Variants in DIAPH3 observed in about 807,000 individuals in gnomAD.
DIAPH3 encodes diaphanous related formin 3.
DIAPH3 carries 117 observed loss-of-function variants against 144.3 expected under a neutral mutation model. That is an observed-to-expected ratio of 0.81 (90% CI 0.70 to 0.95). The LOEUF (loss-of-function observed/expected upper bound fraction) is 0.95. Ranked by LOEUF, DIAPH3 falls within the 40% of genes least tolerant of loss-of-function variation. The pLI, the probability that DIAPH3 is intolerant of heterozygous loss-of-function variation, is 0.00. For missense variants in DIAPH3, 1,421 were observed against 1,412.7 expected (o/e 1.01, Z -0.09); for synonymous variants, 519 against 488.9 (o/e 1.06, Z -0.81).
intron 25 of DIAPH3, among the ~76,000 whole-genome samples, chr13:59,800,513 A>C (rs2039849787): frequency 6.6e-6 from 1 of 152,226 alleles, no homozygotes; most frequent in Non-Finnish European, 1.5e-5. Context: ...GGCAGAGAAG[A>C]ACGTTTCTTT....
At position 60,007,054 on chromosome 13, in the gene DIAPH3, AT is replaced by A. The variant is rs1044240333; in HGVS notation, c.1014+1489del. Among the ~76,000 whole-genome samples, 624 of 145,634 alleles carry A rather than the reference AT, an allele frequency of 4.3e-3. 2 individuals are homozygous for A. Among genetic ancestry groups the A allele is most frequent in the Non-Finnish European group, 5.6e-3 (367 of 65,940 alleles). On this transcript the variant is annotated intron_variant, in intron 9 of 27. Coordinates refer to ENST00000400324, the MANE Select transcript of DIAPH3 (RefSeq NM_001042517.2). ...GTTTCACAGCTCCTATCATATTCTCATTTTTTTTTTTTCTTGAGTCAGAGTC... is the reference window on the plus strand; with the variant it reads ...GTTTCACAGCTCCTATCATATTCTCATTTTTTTTTTTCTTGAGTCAGAGTC...
At chr13:59,789,087 G>A (rs191995951) in intron 25 of DIAPH3, among the ~76,000 whole-genome samples, 1 of 152,304 alleles carries the variant, frequency 6.6e-6, no homozygotes, top group Admixed American at 6.5e-5. Context: ...GTAGGGTCTA[G>A]GGTGCTGAAC....
chr13:60,025,816 G>A (rs2054335585), intron 5 of DIAPH3, among the ~76,000 whole-genome samples: 2 of 152,142 alleles, frequency 1.3e-5, no homozygotes, highest in South Asian at 4.2e-4. Flanking sequence ...GGACTGAGAT[G>A]AGGACAATTT....
At chr13:59,809,159 A>T (rs913270105) in intron 25 of DIAPH3, among the ~76,000 whole-genome samples, 12 of 152,190 alleles carry the variant, frequency 7.9e-5, no homozygotes, top group African/African-American at 2.9e-4. Context: ...CAATACATCC[A>T]ATCTGCCATC....
At chr13:59,984,519 T>C (rs1401523397) in intron 12 of DIAPH3, among the ~76,000 whole-genome samples, 1 of 151,806 alleles carries the variant, frequency 6.6e-6, no homozygotes, top group Non-Finnish European at 1.5e-5. Context: ...ACACTGGTCA[T>C]AGGTGAAACA....
chr13:60,004,863 T>C (rs961623358), intron 9 of DIAPH3, among the ~76,000 whole-genome samples: 1 of 152,188 alleles, frequency 6.6e-6, no homozygotes, highest in South Asian at 2.1e-4. Context: ...TACTTATATA[T>C]TGGCAAAAAT....
intron 27 of DIAPH3, among the ~76,000 whole-genome samples, chr13:59,710,063 G>T (rs2034647673): frequency 6.6e-6 from 1 of 151,948 alleles, no homozygotes; most frequent in Admixed American, 6.6e-5. Context: ...CATGGACACA[G>T]GAAGGGGAAC....
chr13:60,088,560 T>C (rs1010055804), intron 4 of DIAPH3, among the ~76,000 whole-genome samples: 1 of 152,062 alleles, frequency 6.6e-6, no homozygotes, highest in Non-Finnish European at 1.5e-5. Flanking sequence ...AACCTGAAAG[T>C]AGAACGGCAA....
chr13:60,043,769 T>A (rs1161888400), intron 4 of DIAPH3, among the ~76,000 whole-genome samples: 1 of 152,220 alleles, frequency 6.6e-6, no homozygotes, highest in East Asian at 1.9e-4. Flanking sequence ...TACCTACATG[T>A]AGCTTTACTA....
chr13:59,676,979 A>G (rs2032676164), intron 27 of DIAPH3, among the ~76,000 whole-genome samples: 1 of 152,146 alleles, frequency 6.6e-6, no homozygotes, highest in South Asian at 2.1e-4. Flanking sequence ...AAACATAGCA[A>G]TATGTTCAAG....
At chr13:59,718,252 C>A (rs2035160209) in intron 27 of DIAPH3, among the ~76,000 whole-genome samples, 1 of 152,152 alleles carries the variant, frequency 6.6e-6, no homozygotes, top group Non-Finnish European at 1.5e-5. Context: ...TATCACAGAA[C>A]ATAAACCACC....
chr13:60,154,703 T>C (rs1288835996), intron 1 of DIAPH3, among the ~76,000 whole-genome samples: 3 of 152,172 alleles, frequency 2.0e-5, no homozygotes, highest in Admixed American at 1.3e-4. Context: ...AAAGTTACCT[T>C]TGTAGATCCT....
rs1215770449 is a variant in DIAPH3 at position 60,152,655 on chromosome 13, T to C, written c.180+10932A>G. 2.0e-5 allele frequency among the ~76,000 whole-genome samples: 3 copies of C among 152,094 alleles called. No individual in the cohort carries two copies. The East Asian group carries it at 5.8e-4, about 29-fold the overall frequency. ...AAAATGAACATTTCAATGGAATTTA[T>C]GATATTTAATGTTTTAAGCTTATTA... is the stretch of plus-strand genomic sequence containing the variant. On this transcript the variant is annotated intron_variant, in intron 1 of 27. Transcript: ENST00000400324.
At chr13:59,830,671 T>C (rs1213576271) in intron 24 of DIAPH3, among the ~76,000 whole-genome samples, 1 of 151,822 alleles carries the variant, frequency 6.6e-6, no homozygotes. Context: ...CTAATCCTTT[T>C]AGATCTATTT....
At chr13:59,916,104 T>G (rs2140259252) in intron 19 of DIAPH3, 51 bp downstream of exon 19, 22 of 1,483,198 alleles carry the variant, frequency 1.5e-5, no homozygotes, top group Non-Finnish European at 2.0e-5. Flanking sequence ...TTCTATTTAA[T>G]GAGAAGCTTG....
intron 18 of DIAPH3, among the ~76,000 whole-genome samples, chr13:59,921,413 T>A (rs2047513959): frequency 6.7e-6 from 1 of 150,300 alleles, no homozygotes; most frequent in South Asian, 2.1e-4. Flanking sequence ...ACCACAAAAA[T>A]AAAAAAAGAA....
chr13:59,774,133 T>C lies in DIAPH3; in HGVS notation c.3319+56A>G, dbSNP rs113570721. 2,049 of 1,532,042 alleles carry C rather than the reference T, an allele frequency of 1.3e-3. 2 individuals carry two copies. Among genetic ancestry groups the C allele is most frequent in the Admixed American group, 2.0e-3 (114 of 57,478 alleles). The allele number at this position is 1,532,042 out of a possible 1,614,324, so 94.9% of individuals were successfully genotyped here. On this transcript the variant is annotated intron_variant, in intron 27 of 27. Coordinates refer to ENST00000400324, the MANE Select transcript of DIAPH3 (RefSeq NM_001042517.2). ...CACAGCAGTCTACTAAAATCACAGA[T>C]CAATAGGATAAAAGTAGATAAGAAG...
intron 1 of DIAPH3, among the ~76,000 whole-genome samples, chr13:60,151,187 A>G (rs1951765162): frequency 6.6e-6 from 1 of 152,180 alleles, no homozygotes; most frequent in Non-Finnish European, 1.5e-5. Context: ...TATAGTGATG[A>G]GGTCTCCCCT....
intron 12 of DIAPH3, among the ~76,000 whole-genome samples, chr13:59,984,634 G>T (rs944904830): frequency 1.2e-4 from 18 of 149,270 alleles, no homozygotes; most frequent in Non-Finnish European, 2.4e-4. Flanking sequence ...AAATGATAAA[G>T]GGGATATCAC....
Sources: allele counts gnomAD v4.1 joint callset (sites outside exome capture counted in the v4.1 genomes callset), GRCh38; gene constraint gnomAD v4.1.1; transcripts MANE v1.5; gene names NCBI Gene and HGNC (gene_info 2026-07-23, HGNC 2026-07-21).